Variants in OSBPL10 observed in about 807,000 individuals in gnomAD.
The protein encoded by OSBPL10 is oxysterol-binding protein-related protein 10.
A neutral mutation model predicts 81.7 loss-of-function variants in OSBPL10; 49 were observed. The observed-to-expected ratio is 0.60, with a 90% CI of 0.48 to 0.76. OSBPL10 has a LOEUF of 0.76. OSBPL10 is among the 30% of genes least tolerant of loss of function. OSBPL10 has a pLI of 0.00. For synonymous variants in OSBPL10, 419 were observed against 383.6 expected, an observed-to-expected ratio of 1.09 and a Z score of -1.08; for missense variants, 923 against 987.8, an observed-to-expected ratio of 0.93 and a Z score of 0.88.
chr3:31,841,731 C>T (rs1700503315), intron 3 of OSBPL10, among the ~76,000 whole-genome samples: 1 of 152,168 alleles, frequency 6.6e-6, no homozygotes, highest in South Asian at 2.1e-4. Context: ...CACACTCTGC[C>T]CCCACCAGCT....
intron 1 of OSBPL10, among the ~76,000 whole-genome samples, chr3:31,948,287 A>G (rs1410309558): frequency 6.6e-6 from 1 of 152,150 alleles, no homozygotes; most frequent in African/African-American, 2.4e-5. Flanking sequence ...ATTCATCATT[A>G]TGAGTCTTTT....
At chr3:32,039,425 G>A (rs1699550682) in intron 2 of OSBPL10, among the ~76,000 whole-genome samples, 1 of 151,126 alleles carries the variant, frequency 6.6e-6, no homozygotes, top group South Asian at 2.1e-4. Flanking sequence ...GGGAGGCCGA[G>A]GCGGGCAGAT....
rs915115202 is a variant in OSBPL10 at position 31,825,754 on chromosome 3, T to C, written c.729+4286A>G. Among the ~76,000 whole-genome samples the C allele has an allele frequency of 1.2e-4, 18 of 152,208 alleles. 1 individual carries two copies. The highest frequency in any genetic ancestry group is 4.3e-4 in the African/African-American group (18 of 41,440). On this transcript the variant is annotated intron_variant, in intron 4 of 11. Transcript: ENST00000396556. ...TTTCAAAATGTCCTTTCTGGGTAAA[T>C]TTTAAAATAGCAATACTATGTTACT...
intron 4 of OSBPL10, among the ~76,000 whole-genome samples, chr3:31,756,239 GACTT>G (rs1458176406): frequency 6.6e-6 from 1 of 152,120 alleles, no homozygotes; most frequent in East Asian, 1.9e-4. Context: ...TGCTCCTGTG[GACTT>G]CCTCGTATTT....
intron 4 of OSBPL10, among the ~76,000 whole-genome samples, chr3:31,826,961 T>G (rs887704304): frequency 5.9e-5 from 9 of 152,208 alleles, no homozygotes; most frequent in Admixed American, 1.3e-4. Flanking sequence ...TCAACAATCT[T>G]ACTTAAATTT....
intron 1 of OSBPL10, among the ~76,000 whole-genome samples, chr3:31,906,313 T>C (rs1466938809): frequency 6.6e-6 from 1 of 152,166 alleles, no homozygotes; most frequent in Non-Finnish European, 1.5e-5. Flanking sequence ...ACTGTTATTA[T>C]CAATAATATT....
At chr3:31,855,315 C>G (rs558324585) in intron 3 of OSBPL10, among the ~76,000 whole-genome samples, 1 of 152,168 alleles carries the variant, frequency 6.6e-6, no homozygotes, top group African/African-American at 2.4e-5. Flanking sequence ...CCGCCATGCT[C>G]GGTGAGTTGT....
At chr3:31,946,812 T>A (rs944909464) in intron 1 of OSBPL10, among the ~76,000 whole-genome samples, 1 of 152,168 alleles carries the variant, frequency 6.6e-6, no homozygotes, top group Non-Finnish European at 1.5e-5. Flanking sequence ...TAGTGTTGCA[T>A]GCTTTAGAAA....
At chr3:31,986,681 T>C (rs1698938403) in intron 2 of OSBPL10, among the ~76,000 whole-genome samples, 1 of 152,154 alleles carries the variant, frequency 6.6e-6, no homozygotes, top group Admixed American at 6.5e-5. Flanking sequence ...ATTAAATAGA[T>C]GCTCACTTTC....
chr3:31,852,206 C>T (rs2125578446), intron 3 of OSBPL10, among the ~76,000 whole-genome samples: 1 of 152,246 alleles, frequency 6.6e-6, no homozygotes, highest in Middle Eastern at 3.4e-3. Context: ...TTGTTGTGAG[C>T]ATTATCTGAG....
At chr3:32,048,400 C>A (rs1404118054) in intron 1 of OSBPL10, among the ~76,000 whole-genome samples, 3 of 151,188 alleles carry the variant, frequency 2.0e-5, no homozygotes, top group African/African-American at 7.3e-5. Flanking sequence ...ATCTGCCTTC[C>A]TGGTTCAAGT....
At chr3:31,687,979 G>A (rs1173219373) in intron 7 of OSBPL10, among the ~76,000 whole-genome samples, 1 of 151,838 alleles carries the variant, frequency 6.6e-6, no homozygotes, top group Non-Finnish European at 1.5e-5. Flanking sequence ...AATGGGACAT[G>A]AGCCCCACCT....
chr3:31,885,538 T>C (rs564023082), intron 1 of OSBPL10, among the ~76,000 whole-genome samples: 1 of 152,262 alleles, frequency 6.6e-6, no homozygotes, highest in South Asian at 2.1e-4. Context: ...CATTGCTGCC[T>C]CTACACCCCC....
chr3:32,013,532 G>C lies in OSBPL10; in HGVS notation n.298+32959C>G, dbSNP rs1214105093. On this transcript the variant is annotated intron_variant and non_coding_transcript_variant, in intron 2 of 3. Transcript: ENST00000479173. ...TGACACCCTAACATCACAATTAAAA[G>C]AACTAGAGAAGCAAGAGTAATCACA... Among the ~76,000 whole-genome samples, 9 of 152,270 alleles carry C rather than the reference G, an allele frequency of 5.9e-5. No homozygotes were observed. In the South Asian group the frequency reaches 8.3e-4, roughly 14 times the overall value.
intron 3 of OSBPL10, among the ~76,000 whole-genome samples, chr3:31,852,687 T>C (rs1700800759): frequency 6.6e-6 from 1 of 152,098 alleles, no homozygotes; most frequent in South Asian, 2.1e-4. Flanking sequence ...CAAGCAATCC[T>C]CCTGCCTCAG....
At chr3:31,765,455 CTG>C (rs1245636490) in intron 4 of OSBPL10, among the ~76,000 whole-genome samples, 1 of 151,858 alleles carries the variant, frequency 6.6e-6, no homozygotes, top group Non-Finnish European at 1.5e-5. Context: ...ATGTGGCAAA[CTG>C]TGGGCAAAAA....
intron 4 of OSBPL10, among the ~76,000 whole-genome samples, chr3:31,766,315 AATG>A (rs1480081785): frequency 6.8e-6 from 1 of 146,578 alleles, no homozygotes; most frequent in Non-Finnish European, 1.5e-5. Context: ...TGTTTGGCCC[AATG>A]TAGTTTTTTT....
chr3:31,926,039 T>C (rs528362599), intron 1 of OSBPL10, among the ~76,000 whole-genome samples: 64 of 152,306 alleles, frequency 4.2e-4, no homozygotes, highest in African/African-American at 1.5e-3. Flanking sequence ...ACCACTCTCT[T>C]ATCTTTATAT....
chr3:31,735,175 C>T (rs1312651657), intron 5 of OSBPL10, among the ~76,000 whole-genome samples: 1 of 152,234 alleles, frequency 6.6e-6, no homozygotes, highest in African/African-American at 2.4e-5. Flanking sequence ...TGGCTCCCAC[C>T]TGTAATTCCA....
Sources: allele counts gnomAD v4.1 joint callset (sites outside exome capture counted in the v4.1 genomes callset), GRCh38; gene constraint gnomAD v4.1.1; transcripts MANE v1.5; gene names NCBI Gene and HGNC (gene_info 2026-07-23, HGNC 2026-07-21).